The following CRTC3 variants were observed in gnomAD, a reference collection of about 807,000 sequenced individuals.
CRTC3 encodes CREB-regulated transcription coactivator 3.
CRTC3 carries 26 observed loss-of-function variants against 74.5 expected under a neutral mutation model. The ratio of observed to expected loss-of-function variants is 0.35; its 90% CI spans 0.26 to 0.48. The LOEUF is 0.48. CRTC3 is among the 20% of genes least tolerant of loss of function. The pLI is 0.99. For synonymous variants in CRTC3, 377 were observed against 325.8 expected, an observed-to-expected ratio of 1.16 and a Z score of -1.69; for missense variants, 760 against 787.3, an observed-to-expected ratio of 0.97 and a Z score of 0.41.
intron 2 of CRTC3, among the ~76,000 whole-genome samples, chr15:90,563,330 G>A (rs921231843): frequency 2.0e-5 from 3 of 151,996 alleles, no homozygotes; most frequent in African/African-American, 4.8e-5. Flanking sequence ...CACTTGAACC[G>A]AGGAGGCGGA....
chr15:90,538,217 G>T (rs1966750049), intron 1 of CRTC3, among the ~76,000 whole-genome samples: 1 of 152,198 alleles, frequency 6.6e-6, no homozygotes, highest in Non-Finnish European at 1.5e-5. Flanking sequence ...AGATGGCTGA[G>T]AATTTTGTCC....
At chr15:90,565,237 C>T (rs562768392) in intron 2 of CRTC3, among the ~76,000 whole-genome samples, 3 of 152,134 alleles carry the variant, frequency 2.0e-5, no homozygotes, top group Non-Finnish European at 2.9e-5. Context: ...TGTGAGCCAC[C>T]GTGCCTGGCC....
Position 90,642,267 on chromosome 15 carries a change from G to T in CRTC3, c.*127G>T. On this transcript the variant is annotated 3_prime_UTR_variant, in exon 15 of 15. Coordinates refer to ENST00000268184, the MANE Select transcript of CRTC3 (RefSeq NM_022769.5). ...AGAAGGAAGCAATGCCACGGCTCCAGGGTTTCAGATGAGATCCCATCTCAG... is the reference window on the plus strand; with the variant it reads ...AGAAGGAAGCAATGCCACGGCTCCATGGTTTCAGATGAGATCCCATCTCAG... 1.4e-6 allele frequency: 1 copy of T among 735,932 alleles called. No homozygotes were observed. Among genetic ancestry groups the T allele is most frequent in the Non-Finnish European group, 2.3e-6 (1 of 440,604 alleles). 45.6% of individuals were successfully genotyped at this position (735,932 alleles called of 1,614,324 possible).
chr15:90,593,787 C>T (rs766819229), intron 3 of CRTC3, 32 bp downstream of exon 3: 7 of 1,555,798 alleles, frequency 4.5e-6, no homozygotes, highest in African/African-American at 4.1e-5. Flanking sequence ...AGGGAGTGTG[C>T]ATTCTGAAAT....
At chr15:90,560,083 G>A (rs1966979230) in intron 2 of CRTC3, among the ~76,000 whole-genome samples, 1 of 152,044 alleles carries the variant, frequency 6.6e-6, no homozygotes, top group Non-Finnish European at 1.5e-5. Context: ...GTTATAAATA[G>A]CTTTCCTCAT....
chr15:90,535,075 C>T (rs1966695340), intron 1 of CRTC3, among the ~76,000 whole-genome samples: 1 of 151,292 alleles, frequency 6.6e-6, no homozygotes, highest in Non-Finnish European at 1.5e-5. Context: ...GCAAGAGAAT[C>T]GCTTGAACCT....
At chr15:90,587,037 A>T (rs1184428391) in intron 2 of CRTC3, among the ~76,000 whole-genome samples, 1 of 152,248 alleles carries the variant, frequency 6.6e-6, no homozygotes, top group Non-Finnish European at 1.5e-5. Flanking sequence ...AAACATAATG[A>T]TATGCCAACA....
chr15:90,565,843 C>CT (rs1251651401), intron 2 of CRTC3, among the ~76,000 whole-genome samples: 2 of 152,162 alleles, frequency 1.3e-5, no homozygotes, highest in Non-Finnish European at 2.9e-5. Flanking sequence ...TCCTGTGTCT[C>CT]TCCCCCTCCT....
chr15:90,573,194 G>A (rs980879542), intron 2 of CRTC3, among the ~76,000 whole-genome samples: 7 of 152,158 alleles, frequency 4.6e-5, no homozygotes, highest in Non-Finnish European at 1.0e-4. Flanking sequence ...AGCATAATGG[G>A]TAGAAACAAG....
At chr15:90,566,433 G>A (rs182500446) in intron 2 of CRTC3, among the ~76,000 whole-genome samples, 25 of 151,674 alleles carry the variant, frequency 1.6e-4, no homozygotes, top group South Asian at 8.3e-4. Flanking sequence ...GCCTGTAGTC[G>A]TAGCTACTTG....
chr15:90,624,277 A>G (rs1281253817), intron 9 of CRTC3, among the ~76,000 whole-genome samples: 4 of 151,854 alleles, frequency 2.6e-5, no homozygotes, highest in Admixed American at 2.6e-4. Flanking sequence ...CCCCTGGACC[A>G]CTGCAGGTGG....
intron 10 of CRTC3, among the ~76,000 whole-genome samples, chr15:90,626,963 C>T (rs1041948800): frequency 1.3e-5 from 2 of 152,228 alleles, no homozygotes; most frequent in Non-Finnish European, 1.5e-5. Flanking sequence ...CCCAGTGGTG[C>T]AGTACAGCCC....
intron 11 of CRTC3, among the ~76,000 whole-genome samples, chr15:90,636,499 A>G (rs888278481): frequency 1.2e-3 from 181 of 152,038 alleles, no homozygotes; most frequent in African/African-American, 4.3e-3. Context: ...AGGCATGGGC[A>G]AGGACTTCAT....
At chr15:90,638,315 C>A in intron 11 of CRTC3, 131 bp from the exon 12 acceptor site, 1 of 690,460 alleles carries the variant, frequency 1.4e-6, no homozygotes, top group Non-Finnish European at 2.5e-6. Context: ...ACGGGCTTCT[C>A]ACAGCATTGC....
intron 11 of CRTC3, among the ~76,000 whole-genome samples, chr15:90,637,695 C>A (rs1382711047): frequency 6.6e-6 from 1 of 152,148 alleles, no homozygotes; most frequent in Non-Finnish European, 1.5e-5. Flanking sequence ...TGGTGGGGGC[C>A]AGTGCGCAGA....
chr15:90,602,728 C>T (rs4641716), intron 4 of CRTC3, among the ~76,000 whole-genome samples: 107,132 of 151,578 alleles, frequency 0.71, 37,930 homozygotes, highest in South Asian at 0.77. Flanking sequence ...GTAATCCCAG[C>T]ACTTTGGGAG....
At chr15:90,534,402 G>C (rs369824722) in intron 1 of CRTC3, among the ~76,000 whole-genome samples, 20 of 152,288 alleles carry the variant, frequency 1.3e-4, no homozygotes, top group African/African-American at 4.8e-4. Context: ...GAGAAGGAAG[G>C]CTGAGCTACT....
chr15:90,557,597 A>G (rs1966920844), intron 2 of CRTC3, among the ~76,000 whole-genome samples: 1 of 152,092 alleles, frequency 6.6e-6, no homozygotes, highest in African/African-American at 2.4e-5. Context: ...TCAGCCTGTA[A>G]TATGCTGAGA....
At chr15:90,636,637 A>G (rs1218486336) in intron 11 of CRTC3, among the ~76,000 whole-genome samples, 1 of 152,222 alleles carries the variant, frequency 6.6e-6, no homozygotes, top group Non-Finnish European at 1.5e-5. Context: ...AGAATGGGAG[A>G]AAATTTTTGC....
Sources: gnomAD v4.1 joint callset for allele counts (sites outside exome capture counted in the v4.1 genomes callset) on GRCh38, gnomAD v4.1.1 for gene constraint, MANE v1.5 for transcripts, NCBI Gene and HGNC (gene_info 2026-07-23, HGNC 2026-07-21) for gene names.